The following BDNF variants were observed in gnomAD, a reference collection of about 807,000 sequenced individuals.
BDNF encodes the protein neurotrophic factor BDNF precursor form.
In BDNF, 1 loss-of-function variant was observed where a neutral mutation model predicts 19.5. The ratio of observed to expected loss-of-function variants is 0.05; its 90% CI spans 0.02 to 0.24. The LOEUF (loss-of-function observed/expected upper bound fraction) is 0.24, where lower values mean the gene tolerates loss of function less well. Among genes scored for constraint, BDNF ranks in the 10% least tolerant of loss-of-function variants. The pLI is 1.00. For missense variants in BDNF, 195 were observed against 317.6 expected (o/e 0.61, Z 2.93); for synonymous variants, 100 against 121.6 (o/e 0.82, Z 1.17).
chr11:27,709,694 G>T (rs926925520), intron 1 of BDNF, among the ~76,000 whole-genome samples: 14 of 152,146 alleles, frequency 9.2e-5, no homozygotes, highest in Admixed American at 5.2e-4. Flanking sequence ...ACTAGCCCAA[G>T]ATTGTTCAGA....
At chr11:27,705,521 T>C (rs1283183012) in intron 1 of BDNF, among the ~76,000 whole-genome samples, 1 of 152,210 alleles carries the variant, frequency 6.6e-6, no homozygotes, top group Non-Finnish European at 1.5e-5. Context: ...CCTAAAGTCT[T>C]ATTTTAAAAA....
At position 27,656,998 on chromosome 11, in the gene BDNF, C is replaced by A. The variant is rs773522966; in HGVS notation, c.*823G>T. The stretch of plus-strand genomic sequence containing the variant: ...TGTTCTGAGCAAACATAGGTCCTTC[C>A]GTCAAAAGCAGCTTACTCTGACCAA... On this transcript the variant is annotated 3_prime_UTR_variant, in exon 2 of 2. Transcript: ENST00000356660. 3.0e-6 allele frequency: 3 copies of A among 985,354 alleles called. No individual in the cohort carries two copies. The highest frequency in any genetic ancestry group is 3.6e-6 in the Non-Finnish European group (3 of 829,946). 61.0% of individuals were successfully genotyped at this position (985,354 alleles called of 1,614,324 possible).
chr11:27,701,259 C>G, upstream of BDNF: 1 of 1,134,432 alleles, frequency 8.8e-7, no homozygotes. Flanking sequence ...GCCGACCAAA[C>G]AGAAAAACGG....
chr11:27,654,986 T>C lies in BDNF; in HGVS notation c.*2835A>G, dbSNP rs557600370. On this transcript the variant is annotated 3_prime_UTR_variant, in exon 2 of 2. Coordinates refer to ENST00000356660, the MANE Select transcript of BDNF (RefSeq NM_001709.5). Reference sequence around the variant, plus strand: ...AATTAGTACACTTAAATAGAACTTGTATTTACAATAGGCTTCTGATGCGGT... The same window carrying C: ...AATTAGTACACTTAAATAGAACTTGCATTTACAATAGGCTTCTGATGCGGT... 4 of 152,340 alleles carry C rather than the reference T, an allele frequency of 2.6e-5. No individual in the cohort carries two copies. The highest frequency in any genetic ancestry group is 5.9e-5 in the Non-Finnish European group (4 of 68,018). The allele number at this position is 152,340 out of a possible 1,614,324, so 9.4% of individuals were successfully genotyped here. A position where few individuals can be genotyped will look rare whatever the true frequency, so the allele number is the denominator to read the frequency against.
intron 1 of BDNF, chr11:27,696,476 G>T (rs922985284): frequency 1.3e-5 from 2 of 152,112 alleles, no homozygotes; most frequent in Non-Finnish European, 2.9e-5. Context: ...TGCGATTCTT[G>T]TTCAAATGAT....
intron 1 of BDNF, chr11:27,721,383 A>G (rs1443143852): frequency 2.0e-5 from 32 of 1,613,698 alleles, no homozygotes; most frequent in Non-Finnish European, 2.6e-5. Flanking sequence ...AGATTTTTCA[A>G]TTATAATGCA....
intron 1 of BDNF, among the ~76,000 whole-genome samples, chr11:27,714,024 GCAT>G (rs1860430864): frequency 6.6e-6 from 1 of 152,214 alleles, no homozygotes; most frequent in Non-Finnish European, 1.5e-5. Flanking sequence ...TATGCCTAGT[GCAT>G]CAGAAGTTAT....
At chr11:27,718,140 G>A (rs941005100) in intron 1 of BDNF, among the ~76,000 whole-genome samples, 2 of 152,086 alleles carry the variant, frequency 1.3e-5, no homozygotes, top group African/African-American at 4.8e-5. Flanking sequence ...CGGGGAGAGG[G>A]AACTCTGCAA....
At chr11:27,721,392 C>T (rs372010639) in intron 1 of BDNF, 85 of 1,613,828 alleles carry the variant, frequency 5.3e-5, no homozygotes, top group Non-Finnish European at 7.0e-5. Context: ...AATTATAATG[C>T]AGGTTTTATT....
At chr11:27,721,568 A>G (rs1027567602) in exon 1 of BDNF, 2 of 803,160 alleles carry the variant, frequency 2.5e-6, no homozygotes, top group Non-Finnish European at 4.3e-6. Flanking sequence ...TGAATCTAAT[A>G]ACCCTTTGCA....
At chr11:27,699,434 C>A (rs200278157) in intron 1 of BDNF, 1 of 1,614,130 alleles carries the variant, frequency 6.2e-7, no homozygotes, top group African/African-American at 1.3e-5. Flanking sequence ...GTCAAGAATC[C>A]CCCACGTACA....
upstream of BDNF, chr11:27,701,684 T>TA: frequency 1.1e-6 from 1 of 908,928 alleles, no homozygotes; most frequent in Non-Finnish European, 1.3e-6. Context: ...TGTCATATGA[T>TA]ACCTCCGCTG....
intron 1 of BDNF, among the ~76,000 whole-genome samples, chr11:27,685,764 CTGTT>C (rs1160271242): frequency 1.3e-5 from 2 of 151,638 alleles, no homozygotes; most frequent in Non-Finnish European, 2.9e-5. Context: ...GTCTGAGAGA[CTGTT>C]TGTTATGATT....
At chr11:27,699,814 G>A (rs1859683691) in intron 1 of BDNF, 3 of 859,034 alleles carry the variant, frequency 3.5e-6, no homozygotes, top group Non-Finnish European at 3.1e-6. Flanking sequence ...GACAGCTCTG[G>A]CCCCCTAAGT....
At chr11:27,661,038 T>TCC (rs1170098984) in intron 1 of BDNF, among the ~76,000 whole-genome samples, 4 of 152,224 alleles carry the variant, frequency 2.6e-5, no homozygotes, top group African/African-American at 9.6e-5. Flanking sequence ...TTCTCTCAGT[T>TCC]CCATGAGCAA....
chr11:27,721,479 G>T (rs1219916433), exon 1 of BDNF: 2 of 1,581,334 alleles, frequency 1.3e-6, no homozygotes, highest in Non-Finnish European at 8.7e-7. Context: ...GATGCTGGAA[G>T]GTAATGTGTC....
intron 1 of BDNF, among the ~76,000 whole-genome samples, chr11:27,662,137 A>C (rs1240620267): frequency 1.3e-5 from 2 of 152,024 alleles, no homozygotes; most frequent in African/African-American, 4.8e-5. Context: ...GGTAGCTGGG[A>C]TTACAGGCGC....
rs1852413552 is a variant in BDNF, at chr11:27,655,232, T to G, written c.*2589A>C. On this transcript the variant is annotated 3_prime_UTR_variant, in exon 2 of 2. Transcript: ENST00000356660. ...GCCACAAAGAGACCACAGCAAGACTTTAAAAAACAAAACAAAACAGAACAA... is the reference window on the plus strand; with the variant it reads ...GCCACAAAGAGACCACAGCAAGACTGTAAAAAACAAAACAAAACAGAACAA... 1 of 152,332 alleles carries G rather than the reference T, an allele frequency of 6.6e-6. No individual in the cohort carries two copies. Among genetic ancestry groups the G allele is most frequent in the Admixed American group, 6.6e-5 (1 of 15,262 alleles). 9.4% of individuals were successfully genotyped at this position (152,332 alleles called of 1,614,324 possible). A position where few individuals can be genotyped will look rare whatever the true frequency, so the allele number is the denominator to read the frequency against.
chr11:27,672,536 C>T (rs1182851058), intron 1 of BDNF, among the ~76,000 whole-genome samples: 1 of 152,164 alleles, frequency 6.6e-6, no homozygotes, highest in African/African-American at 2.4e-5. Context: ...CCAACAGATC[C>T]AGCTCTCTCC....
Sources: gnomAD v4.1 joint callset for allele counts (sites outside exome capture counted in the v4.1 genomes callset) on GRCh38, gnomAD v4.1.1 for gene constraint, MANE v1.5 for transcripts, NCBI Gene and HGNC (gene_info 2026-07-23, HGNC 2026-07-21) for gene names.